The following CHD1L variants were observed in gnomAD, a reference collection of about 807,000 sequenced individuals.
CHD1L encodes chromodomain helicase DNA binding protein 1 like, also known as ATP-dependent chromatin remodeler CHD1L.
In CHD1L, 118 loss-of-function variants were observed where a neutral mutation model predicts 115.9. The ratio of observed to expected loss-of-function variants is 1.02; its 90% CI spans 0.88 to 1.19. The LOEUF (loss-of-function observed/expected upper bound fraction) is 1.19. Among genes scored for constraint, CHD1L ranks in the 50% most tolerant of loss-of-function variants. The pLI, the probability that CHD1L is intolerant of heterozygous loss-of-function variation, is 0.00. For synonymous variants in CHD1L, 411 were observed against 387.1 expected (o/e 1.06, Z -0.72); for missense variants, 1,179 against 1,065.3 (o/e 1.11, Z -1.49).
chr1:147,217,125 A>G, the CHD1L span, among the ~76,000 whole-genome samples: 2 of 152,152 alleles, frequency 1.3e-5, no homozygotes, highest in East Asian at 3.9e-4. Context: ...CTGTAATCCC[A>G]GCTAGTCGGG....
At chr1:147,192,868 G>T in the CHD1L span, among the ~76,000 whole-genome samples, 1 of 152,134 alleles carries the variant, frequency 6.6e-6, no homozygotes, top group Non-Finnish European at 1.5e-5. Flanking sequence ...AAGCCCACTT[G>T]ATCATGGCAG....
At chr1:147,218,243 A>ATT in the CHD1L span, among the ~76,000 whole-genome samples, 144,092 of 150,350 alleles carry the variant, frequency 0.96, 69,045 homozygotes, top group East Asian at 0.98. Flanking sequence ...AACATGCAGA[A>ATT]TTTTTTTTTT....
chr1:147,269,691 C>G (rs1181909369), intron 10 of CHD1L, among the ~76,000 whole-genome samples: 1 of 130,826 alleles, frequency 7.6e-6, no homozygotes, highest in Admixed American at 7.8e-5. Flanking sequence ...AAAAAAAGAC[C>G]AGGTTCAGTT....
chr1:147,231,771 C>T, the CHD1L span, among the ~76,000 whole-genome samples: 1 of 152,064 alleles, frequency 6.6e-6, no homozygotes, highest in South Asian at 2.1e-4. Flanking sequence ...TTCGCTAAGA[C>T]CATTGGAAAA....
chr1:147,227,952 C>A, the CHD1L span, among the ~76,000 whole-genome samples: 5 of 151,662 alleles, frequency 3.3e-5, no homozygotes, highest in African/African-American at 1.2e-4. Flanking sequence ...CACTCTGTCG[C>A]CCAGGCTGGA....
the CHD1L span, among the ~76,000 whole-genome samples, chr1:147,174,012 C>T: frequency 3.9e-5 from 6 of 152,320 alleles, no homozygotes; most frequent in East Asian, 1.2e-3. Context: ...TTACATAGGC[C>T]ACCCTTTCTG....
chr1:147,219,582 A>T, the CHD1L span, among the ~76,000 whole-genome samples: 107 of 152,250 alleles, frequency 7.0e-4, no homozygotes, highest in African/African-American at 2.5e-3. Context: ...CAAGGTAAGG[A>T]TGTCCTCTCT....
At chr1:147,194,301 T>G in the CHD1L span, among the ~76,000 whole-genome samples, 1 of 152,168 alleles carries the variant, frequency 6.6e-6, no homozygotes, top group African/African-American at 2.4e-5. Context: ...TGGTTTAAAG[T>G]CTGTTTTATC....
At chr1:147,223,994 G>A in the CHD1L span, 1 of 421,856 alleles carries the variant, frequency 2.4e-6, no homozygotes, top group South Asian at 1.7e-5. Context: ...CACCTTGGTG[G>A]AGAACAAGAA....
the CHD1L span, among the ~76,000 whole-genome samples, chr1:147,226,696 T>A: frequency 6.6e-6 from 1 of 152,224 alleles, no homozygotes; most frequent in East Asian, 1.9e-4. Flanking sequence ...GAGTCAATTT[T>A]GCTCTTCCAA....
rs373166478 is a variant in CHD1L at position 147,268,825 on chromosome 1, G to T, written c.1032G>T (p.Glu344Asp). 1 of 1,613,608 alleles carries T rather than the reference G, an allele frequency of 6.2e-7. No homozygotes were observed. The highest frequency in any genetic ancestry group is 1.3e-5 in the African/African-American group (1 of 74,886). The change falls in exon 10 of 23, where the codon GAG becomes GAT. Residue 344 changes from glutamate to aspartate, a missense_variant. Transcript: ENST00000369258. ...EPFEVGDHLTEASGKLHLLDK... is the reference protein window; with the variant it reads ...EPFEVGDHLTDASGKLHLLDK... ...TTGAAGTTGGAGACCACCTGACTGA[G>T]GCTAGTGGGAAGCTTCACCTGCTGG...
rs114037847 is a variant in CHD1L at position 147,295,327 on chromosome 1, T to C, written c.2616-104T>C. ...ATGATATCGTGAGAGAATTAAAGCA[T>C]ACTACTTCTAGAACAGTTATTTCAA... On this transcript the variant is annotated intron_variant, in intron 22 of 22. Transcript: ENST00000369258. 3.5e-3 allele frequency: 2,692 copies of C among 765,894 alleles called. 54 individuals carry two copies. In the African/African-American group the frequency reaches 0.041, roughly 12 times the overall value. 47.4% of individuals were successfully genotyped at this position (765,894 alleles called of 1,614,324 possible). A position where few individuals can be genotyped will look rare whatever the true frequency, so the allele number is the denominator to read the frequency against.
At chr1:147,241,748 G>A (rs1197383683), upstream of CHD1L, among the ~76,000 whole-genome samples, 3 of 152,118 alleles carry the variant, frequency 2.0e-5, no homozygotes, top group Non-Finnish European at 4.4e-5. Context: ...TGAGAATGGA[G>A]GGTACAAATT....
intron 5 of CHD1L, chr1:147,258,813 T>C (rs936129818): frequency 3.9e-5 from 6 of 152,200 alleles, no homozygotes; most frequent in Admixed American, 2.6e-4. Flanking sequence ...TGTATATACA[T>C]TTAGTTTTTT....
At chr1:147,265,799 AT>A (rs1673653924) in intron 7 of CHD1L, 132 bp from the exon 8 acceptor site, 1 of 681,688 alleles carries the variant, frequency 1.5e-6, no homozygotes. Flanking sequence ...CTATAAAAAA[AT>A]GATCATACTG....
the CHD1L span, among the ~76,000 whole-genome samples, chr1:147,224,672 G>A: frequency 6.6e-6 from 1 of 151,920 alleles, no homozygotes; most frequent in African/African-American, 2.4e-5. Flanking sequence ...ACCACGCCCG[G>A]CTAATTTTTT....
intron 3 of CHD1L, 101 bp from the exon 4 acceptor site, chr1:147,255,712 T>G (rs1327789615): frequency 2.6e-6 from 2 of 765,872 alleles, no homozygotes; most frequent in Non-Finnish European, 4.2e-6. Context: ...TCATGAGTTC[T>G]GTACATTGCA....
chr1:147,265,159 A>G (rs1166372184), intron 7 of CHD1L, among the ~76,000 whole-genome samples: 1 of 152,164 alleles, frequency 6.6e-6, no homozygotes, highest in African/African-American at 2.4e-5. Context: ...AGGTATGCCA[A>G]CTAGTGAGTT....
the CHD1L span, among the ~76,000 whole-genome samples, chr1:147,196,544 A>T: frequency 6.6e-6 from 1 of 152,222 alleles, no homozygotes; most frequent in Non-Finnish European, 1.5e-5. Context: ...ATATAGATAG[A>T]TAAAGAGGTA....
Sources: gnomAD v4.1 joint callset for allele counts (sites outside exome capture counted in the v4.1 genomes callset) on GRCh38, gnomAD v4.1.1 for gene constraint, MANE v1.5 for transcripts, NCBI Gene and HGNC (gene_info 2026-07-23, HGNC 2026-07-21) for gene names.